Variants in TRAF3 observed in about 807,000 individuals in gnomAD.
The protein encoded by TRAF3 is TNF receptor-associated factor 3.
In TRAF3, 13 loss-of-function variants were observed where a neutral mutation model predicts 62.3. The ratio of observed to expected loss-of-function variants is 0.21; its 90% CI spans 0.14 to 0.33. TRAF3 has a LOEUF of 0.33. TRAF3 is among the 10% of genes least tolerant of loss of function. The pLI is 1.00. For synonymous variants in TRAF3, 269 were observed against 283.4 expected, an observed-to-expected ratio of 0.95 and a Z score of 0.51; for missense variants, 440 against 741.8, an observed-to-expected ratio of 0.59 and a Z score of 4.73.
At chr14:102,824,725 AATTACTAATTTC>A (rs1423305425) in intron 1 of TRAF3, among the ~76,000 whole-genome samples, 1 of 152,252 alleles carries the variant, frequency 6.6e-6, no homozygotes, top group East Asian at 1.9e-4. Flanking sequence ...GCCTGAGCTA[AATTACTAATTTC>A]ATTACTACTA....
At chr14:102,802,697 G>A (rs1350094280) in intron 1 of TRAF3, among the ~76,000 whole-genome samples, 2 of 151,540 alleles carry the variant, frequency 1.3e-5, no homozygotes, top group East Asian at 2.0e-4. Flanking sequence ...GGTGTGTGGC[G>A]GGCGCCTGTA....
intron 1 of TRAF3, among the ~76,000 whole-genome samples, chr14:102,829,229 T>G (rs772949431): frequency 1.3e-5 from 2 of 152,348 alleles, no homozygotes; most frequent in Non-Finnish European, 2.9e-5. Flanking sequence ...ACTGCTTGCA[T>G]TCTGAAAAGC....
rs1228521545 is a variant in TRAF3, at chr14:102,858,151, CTTCT to C, written c.-17-12031_-17-12028del. On this transcript the variant is annotated intron_variant, in intron 2 of 11. Coordinates refer to ENST00000392745, the MANE Select transcript of TRAF3 (RefSeq NM_145725.3). Reference sequence around the variant, plus strand: ...TGAGAGTCCTGAAAGAACCTCTGTTCTTCTTTTTTTTTTTTTTCTTGAGACAGTC... The same window carrying C: ...TGAGAGTCCTGAAAGAACCTCTGTTCTTTTTTTTTTTTTCTTGAGACAGTC... Among the ~76,000 whole-genome samples the C allele has an allele frequency of 4.0e-4, 56 of 139,706 alleles. 1 individual carries two copies. The East Asian group carries it at 0.012, about 31-fold the overall frequency. The allele number at this position is 139,706 out of a possible 152,430, so 91.7% of individuals were successfully genotyped here. A position where few individuals can be genotyped will look rare whatever the true frequency, so the allele number is the denominator to read the frequency against.
chr14:102,905,120 GAAATA>G lies in TRAF3; in HGVS notation c.1136-86_1136-82del, dbSNP rs1279311281. 3 of 1,319,470 alleles carry G rather than the reference GAAATA, an allele frequency of 2.3e-6. No homozygotes were observed. In the Admixed American group the frequency reaches 5.4e-5, roughly 24 times the overall value. The allele number at this position is 1,319,470 out of a possible 1,614,324, so 81.7% of individuals were successfully genotyped here. On this transcript the variant is annotated intron_variant, in intron 11 of 11. Coordinates refer to ENST00000392745, the MANE Select transcript of TRAF3 (RefSeq NM_145725.3). ...GAGCGAGACTCCGTCTCAAAAAAAT[GAAATA>G]AAATAACGAGTGCTGGTGCAGCTTT...
intron 1 of TRAF3, among the ~76,000 whole-genome samples, chr14:102,792,569 G>A (rs145444215): frequency 0.014 from 2,087 of 151,222 alleles, 22 homozygotes; most frequent in South Asian, 0.024. Context: ...ACTGTGCCTG[G>A]CCACTGACTT....
chr14:102,903,994 G>A lies in TRAF3; in HGVS notation c.1135+565G>A, dbSNP rs979077102. Reference sequence around the variant, plus strand: ...AAGCAGGCAGAGAATGAGGTTGGAGGAGAGGGGAGCAGCTTCGCCTCCAAG... The same window carrying A: ...AAGCAGGCAGAGAATGAGGTTGGAGAAGAGGGGAGCAGCTTCGCCTCCAAG... On this transcript the variant is annotated intron_variant, in intron 11 of 11. Coordinates refer to ENST00000392745, the MANE Select transcript of TRAF3 (RefSeq NM_145725.3). The surrounding 1 kb of genome is among the most constrained non-coding windows in gnomAD (Gnocchi z 6.4). The A allele has an allele frequency of 2.8e-6, 1 of 362,106 alleles. No homozygotes were observed. Among genetic ancestry groups the A allele is most frequent in the African/African-American group, 2.1e-5 (1 of 46,888 alleles). The allele number at this position is 362,106 out of a possible 1,614,324, so 22.4% of individuals were successfully genotyped here. A position where few individuals can be genotyped will look rare whatever the true frequency, so the allele number is the denominator to read the frequency against.
chr14:102,811,637 G>A (rs1899159260), intron 1 of TRAF3, among the ~76,000 whole-genome samples: 1 of 149,262 alleles, frequency 6.7e-6, no homozygotes, highest in African/African-American at 2.5e-5. Context: ...GGCGATGAAG[G>A]CCTTCATTAC....
At chr14:102,809,988 C>G (rs1421872921) in intron 1 of TRAF3, among the ~76,000 whole-genome samples, 3 of 152,110 alleles carry the variant, frequency 2.0e-5, no homozygotes, top group Admixed American at 6.5e-5. Flanking sequence ...GCAGTAGTAT[C>G]TAAAACAGAT....
chr14:102,802,179 G>A (rs1898473971), intron 1 of TRAF3, among the ~76,000 whole-genome samples: 1 of 106,924 alleles, frequency 9.4e-6, no homozygotes. Context: ...TTTTGAGATG[G>A]AGTCTCTCTC....
intron 3 of TRAF3, among the ~76,000 whole-genome samples, 198 bp downstream of exon 3, chr14:102,870,644 G>A (rs571958444): frequency 8.5e-4 from 129 of 152,282 alleles, no homozygotes; most frequent in African/African-American, 2.9e-3. Flanking sequence ...AGGCCTCTGC[G>A]TGTCTCTGAC....
chr14:102,857,951 A>G (rs1027412322), intron 2 of TRAF3, among the ~76,000 whole-genome samples: 3 of 152,248 alleles, frequency 2.0e-5, no homozygotes, highest in Admixed American at 6.5e-5. Flanking sequence ...ACAGGAGTAT[A>G]CTTTACTCAA....
chr14:102,882,933 A>G (rs562113658), intron 6 of TRAF3, among the ~76,000 whole-genome samples: 3 of 152,220 alleles, frequency 2.0e-5, no homozygotes, highest in Non-Finnish European at 4.4e-5. Context: ...CTGGACCATC[A>G]TTCTTTAAAC....
intron 2 of TRAF3, among the ~76,000 whole-genome samples, chr14:102,838,962 G>A (rs925221859): frequency 4.6e-5 from 7 of 151,668 alleles, no homozygotes; most frequent in Admixed American, 1.3e-4. Flanking sequence ...CTTTTTTGTC[G>A]GTACTTTTGA....
intron 2 of TRAF3, among the ~76,000 whole-genome samples, chr14:102,840,249 G>T (rs1036779202): frequency 1.3e-5 from 2 of 152,156 alleles, no homozygotes; most frequent in Admixed American, 6.5e-5. Context: ...TTAAGACAGG[G>T]TCTTGCTCTA....
At chr14:102,807,748 T>C (rs879672737) in intron 1 of TRAF3, among the ~76,000 whole-genome samples, 5 of 152,176 alleles carry the variant, frequency 3.3e-5, no homozygotes, top group Non-Finnish European at 5.9e-5. Context: ...CGACCACAGC[T>C]CCAGGGGAGC....
At chr14:102,844,359 A>G (rs1363578374) in intron 2 of TRAF3, among the ~76,000 whole-genome samples, 1 of 152,228 alleles carries the variant, frequency 6.6e-6, no homozygotes, top group Non-Finnish European at 1.5e-5. Flanking sequence ...CACTTGGGCC[A>G]GTTTCTTCCC....
intron 9 of TRAF3, among the ~76,000 whole-genome samples, chr14:102,893,156 A>T (rs1889817953): frequency 6.6e-6 from 1 of 151,882 alleles, no homozygotes; most frequent in South Asian, 2.1e-4. Context: ...TGGGAGGCCG[A>T]GGCTGAGGCT....
At chr14:102,898,914 G>A (rs1890135920) in intron 10 of TRAF3, among the ~76,000 whole-genome samples, 1 of 152,246 alleles carries the variant, frequency 6.6e-6, no homozygotes, top group African/African-American at 2.4e-5. Context: ...AAGTGAGGAT[G>A]GAGTGGTGAC....
intron 6 of TRAF3, among the ~76,000 whole-genome samples, chr14:102,885,026 T>C (rs955380602): frequency 1.3e-5 from 2 of 152,134 alleles, no homozygotes; most frequent in South Asian, 4.2e-4. Context: ...TGAGTGGCCT[T>C]CTCTTCCCTG....
Sources: gnomAD v4.1 joint callset for allele counts (sites outside exome capture counted in the v4.1 genomes callset) on GRCh38, gnomAD v4.1.1 for gene constraint, Gnocchi (gnomAD v3.1) non-coding constraint, MANE v1.5 for transcripts, NCBI Gene and HGNC (gene_info 2026-07-23, HGNC 2026-07-21) for gene names.